The following NRXN3 variants were observed in gnomAD, a reference collection of about 807,000 sequenced individuals.
NRXN3 encodes neurexin 3, also known as neurexin III.
Under a neutral mutation model 137.6 loss-of-function variants are expected in NRXN3, and 32 were observed. The observed-to-expected ratio is 0.23, with a 90% CI of 0.18 to 0.31. NRXN3 has a LOEUF of 0.31. NRXN3 is among the 10% of genes least tolerant of loss of function. The pLI, the probability that NRXN3 is intolerant of heterozygous loss-of-function variation, is 1.00. For missense variants in NRXN3, 1,574 were observed against 2,062.5 expected, an observed-to-expected ratio of 0.76 and a Z score of 4.59; for synonymous variants, 798 against 784.5, an observed-to-expected ratio of 1.02 and a Z score of -0.29.
chr14:78,872,223 C>G (rs1011129551), intron 10 of NRXN3, among the ~76,000 whole-genome samples: 1 of 147,380 alleles, frequency 6.8e-6, no homozygotes, highest in African/African-American at 2.5e-5. Flanking sequence ...TAAATCTTTG[C>G]TAATAAATAT....
intron 6 of NRXN3, among the ~76,000 whole-genome samples, chr14:78,691,357 G>C (rs916311661): frequency 6.6e-6 from 1 of 152,036 alleles, no homozygotes; most frequent in Non-Finnish European, 1.5e-5. Context: ...TTCCTTTATT[G>C]GTTTTTCTTG....
intron 4 of NRXN3, among the ~76,000 whole-genome samples, chr14:78,569,989 T>C (rs974224325): frequency 2.0e-5 from 3 of 152,242 alleles, no homozygotes; most frequent in Non-Finnish European, 2.9e-5. Context: ...GGGCCTGTTC[T>C]CCATTTCCAC....
intron 4 of NRXN3, among the ~76,000 whole-genome samples, chr14:78,590,993 A>G (rs889587759): frequency 6.6e-6 from 1 of 152,200 alleles, no homozygotes; most frequent in African/African-American, 2.4e-5. Context: ...GACTGTCATC[A>G]GAGAAGTAAA....
intron 16 of NRXN3, among the ~76,000 whole-genome samples, chr14:79,536,391 A>C (rs1332671562): frequency 6.6e-6 from 1 of 152,282 alleles, no homozygotes; most frequent in East Asian, 1.9e-4. Flanking sequence ...TTTTGGAGCC[A>C]AGGGAACTCA....
intron 20 of NRXN3, among the ~76,000 whole-genome samples, chr14:79,835,846 T>C (rs1319714444): frequency 6.6e-6 from 1 of 152,124 alleles, no homozygotes; most frequent in African/African-American, 2.4e-5. Flanking sequence ...CACATGGGCT[T>C]TGTTGTTGAT....
intron 15 of NRXN3, among the ~76,000 whole-genome samples, chr14:79,077,818 A>G (rs1033875922): frequency 6.6e-6 from 1 of 152,140 alleles, no homozygotes; most frequent in Non-Finnish European, 1.5e-5. Context: ...CTCCATTTAC[A>G]TTATATTCAG....
intron 8 of NRXN3, among the ~76,000 whole-genome samples, chr14:78,777,077 G>A (rs1444874272): frequency 2.0e-5 from 3 of 152,238 alleles, no homozygotes; most frequent in African/African-American, 7.2e-5. Context: ...TTCAAATCCT[G>A]TTCCTTTCCA....
At chr14:79,358,341 C>T (rs921564231) in intron 15 of NRXN3, among the ~76,000 whole-genome samples, 1 of 151,464 alleles carries the variant, frequency 6.6e-6, no homozygotes, top group African/African-American at 2.4e-5. Flanking sequence ...GAGGCAGAGG[C>T]GAGCCGATCA....
intron 3 of NRXN3, among the ~76,000 whole-genome samples, chr14:78,293,832 C>T (rs933354110): frequency 1.3e-5 from 2 of 152,142 alleles, no homozygotes; most frequent in Admixed American, 6.5e-5. Flanking sequence ...CTTATATGAA[C>T]TATGCATATG....
chr14:79,478,985 C>T (rs561983651), intron 16 of NRXN3, among the ~76,000 whole-genome samples: 25 of 152,148 alleles, frequency 1.6e-4, no homozygotes, highest in African/African-American at 4.3e-4. Context: ...AAGGGCAATT[C>T]GGATTTAAAT....
chr14:79,679,755 A>G (rs2098660155), intron 17 of NRXN3, among the ~76,000 whole-genome samples: 1 of 152,220 alleles, frequency 6.6e-6, no homozygotes, highest in Non-Finnish European at 1.5e-5. Flanking sequence ...GGTGCCAGAT[A>G]AATATTTAAC....
chr14:79,547,641 G>A (rs1358727024), intron 16 of NRXN3, among the ~76,000 whole-genome samples: 2 of 152,178 alleles, frequency 1.3e-5, no homozygotes, highest in East Asian at 3.9e-4. Flanking sequence ...CTGGTGCTCA[G>A]AGGGAATAGG....
chr14:78,200,007 A>G (rs1385930582), intron 1 of NRXN3, among the ~76,000 whole-genome samples: 4 of 152,194 alleles, frequency 2.6e-5, no homozygotes, highest in South Asian at 2.1e-4. Context: ...ACCAAGGGTA[A>G]GTGCTGCTTT....
rs564308993 is a variant in NRXN3, at chr14:79,282,530, C to T, written c.3263-184691C>T. Among the ~76,000 whole-genome samples, 9 of 152,080 alleles carry T rather than the reference C, an allele frequency of 5.9e-5. No homozygotes were observed. In the East Asian group the frequency reaches 1.5e-3, roughly 26 times the overall value. On this transcript the variant is annotated intron_variant, in intron 15 of 20. Coordinates refer to ENST00000335750, the MANE Select transcript of NRXN3 (RefSeq NM_001330195.2). ...CTCTCTCTCTCATAAAGGGGTTGAG[C>T]CTTGCACAGGTTAAACATGACCCTT... is the stretch of plus-strand genomic sequence containing the variant.
intron 19 of NRXN3, among the ~76,000 whole-genome samples, chr14:79,770,009 G>A (rs1236089156): frequency 6.6e-6 from 1 of 151,920 alleles, no homozygotes; most frequent in Non-Finnish European, 1.5e-5. Context: ...AACCAACAAA[G>A]ATCAAAAGAG....
chr14:78,715,882 G>A (rs2098429740), intron 8 of NRXN3, among the ~76,000 whole-genome samples: 1 of 151,988 alleles, frequency 6.6e-6, no homozygotes, highest in African/African-American at 2.4e-5. Context: ...CATCATTAAA[G>A]AGAAGGTATA....
chr14:79,781,042 A>AT (rs35081734), intron 19 of NRXN3, among the ~76,000 whole-genome samples: 1,750 of 131,078 alleles, frequency 0.013, 22 homozygotes, highest in Non-Finnish European at 0.023. Context: ...TCATAAGGTA[A>AT]TTTTTTTTTT....
chr14:79,766,546 C>T (rs1325619506), intron 19 of NRXN3, among the ~76,000 whole-genome samples: 1 of 152,184 alleles, frequency 6.6e-6, no homozygotes, highest in Non-Finnish European at 1.5e-5. Flanking sequence ...GGGGTCTTGT[C>T]ATCATTGCAT....
chr14:78,847,274 CT>C (rs1229844851), intron 10 of NRXN3, among the ~76,000 whole-genome samples: 3 of 152,038 alleles, frequency 2.0e-5, no homozygotes, highest in Non-Finnish European at 4.4e-5. Context: ...TCTTAACTGT[CT>C]GAAAAAATGT....
Sources: allele counts gnomAD v4.1 joint callset (sites outside exome capture counted in the v4.1 genomes callset), GRCh38; gene constraint gnomAD v4.1.1; transcripts MANE v1.5; gene names NCBI Gene and HGNC (gene_info 2026-07-23, HGNC 2026-07-21).